ZNF200: variants seen among roughly 807,000 people sequenced by gnomAD.
The protein encoded by ZNF200 is zinc finger protein 200.
In ZNF200, 35 loss-of-function variants were observed where a neutral mutation model predicts 33.6. That is an observed-to-expected ratio of 1.04 (90% CI 0.80 to 1.38). The LOEUF (loss-of-function observed/expected upper bound fraction) is 1.38, where lower values mean the gene tolerates loss of function less well. ZNF200 is among the 40% of genes most tolerant of loss of function. The pLI, the probability that ZNF200 is intolerant of heterozygous loss-of-function variation, is 0.00. For synonymous variants in ZNF200, 209 were observed against 167.7 expected, an observed-to-expected ratio of 1.25 and a Z score of -1.90; for missense variants, 592 against 470.6, an observed-to-expected ratio of 1.26 and a Z score of -2.39.
At chr16:3,231,769 G>A (rs925332587) in intron 4 of ZNF200, among the ~76,000 whole-genome samples, 2 of 152,220 alleles carry the variant, frequency 1.3e-5, no homozygotes, top group African/African-American at 4.8e-5. Flanking sequence ...AAATTCTGAT[G>A]TCAGATTCCC....
intron 4 of ZNF200, among the ~76,000 whole-genome samples, chr16:3,228,527 C>G (rs1295231050): frequency 6.6e-6 from 1 of 151,786 alleles, no homozygotes; most frequent in African/African-American, 2.4e-5. Context: ...TGGAGTCTTG[C>G]TCTGTCCCCT....
At chr16:3,230,933 A>G (rs1160585410) in intron 4 of ZNF200, among the ~76,000 whole-genome samples, 2 of 152,260 alleles carry the variant, frequency 1.3e-5, no homozygotes, top group Admixed American at 6.5e-5. Context: ...CACACTGCTT[A>G]TCGTTTGATG....
rs745699109 is a variant in ZNF200, at chr16:3,233,780, G to C, written c.-25C>G. 2 of 1,583,106 alleles carry C rather than the reference G, an allele frequency of 1.3e-6. No homozygotes were observed. The highest frequency in any genetic ancestry group is 1.7e-6 in the Non-Finnish European group (2 of 1,163,300). On this transcript the variant is annotated 5_prime_UTR_variant, in exon 2 of 5. Coordinates refer to ENST00000414144, the MANE Select transcript of ZNF200 (RefSeq NM_198088.3). ...TGCCTTGCAACCACACACCACACTC[G>C]TTTCGCGGGGCCTCCAGAGCCACCT...
Position 3,223,963 on chromosome 16 carries a change from ATCT to A in ZNF200, c.1114_1116del (p.Arg372del). ...CGGGTACAGTTTGACAGCCGACCAAATCTTCTCCCACATTTTTTGCAACCATAT... is the reference window on the plus strand; with the variant it reads ...CGGGTACAGTTTGACAGCCGACCAAATCTCCCACATTTTTTGCAACCATAT... On this transcript the variant is annotated inframe_deletion, in exon 5 of 5. Coordinates refer to ENST00000414144, the MANE Select transcript of ZNF200 (RefSeq NM_198088.3). 1.2e-6 allele frequency: 2 copies of A among 1,614,060 alleles called. No individual in the cohort carries two copies. The highest frequency in any genetic ancestry group is 2.2e-5 in the East Asian group (1 of 44,872).
At chr16:3,226,431 T>C (rs745493384) in intron 4 of ZNF200, 1 of 152,206 alleles carries the variant, frequency 6.6e-6, no homozygotes, top group Non-Finnish European at 1.5e-5. Flanking sequence ...GAACTACCAT[T>C]CTGCTTTCAA....
At chr16:3,234,315 G>A (rs1013955238) in intron 1 of ZNF200, 1 of 152,530 alleles carries the variant, frequency 6.6e-6, no homozygotes, top group Non-Finnish European at 1.5e-5. Context: ...TGGGAGGATT[G>A]CTTGTGCCCA....
chr16:3,229,898 CAA>C (rs536500310), intron 4 of ZNF200, among the ~76,000 whole-genome samples: 470 of 151,598 alleles, frequency 3.1e-3, no homozygotes, highest in African/African-American at 0.011. Context: ...CAAATTCAAA[CAA>C]GAGCGAAACT....
chr16:3,232,343 C>T (rs1056277213), intron 4 of ZNF200, 78 bp downstream of exon 4: 2 of 1,512,646 alleles, frequency 1.3e-6, no homozygotes, highest in Non-Finnish European at 1.8e-6. Flanking sequence ...TGTGAATCGT[C>T]CCCCAAAGCT....
Position 3,232,453 on chromosome 16 carries a change from T to C in ZNF200, c.434A>G (p.Asp145Gly), listed in dbSNP as rs775660735. The stretch of plus-strand genomic sequence containing the variant: ...CATCATTTCCCCGACACTGCTGTCA[T>C]CTTCCTTCTCTGACGTGAGTTGTTG... ...PTQQLTSEKE[D>G]DSSVGEMMLL... The change falls in exon 4 of 5, where the codon GAT becomes GGT. Residue 145 changes from aspartate (D) to glycine (G), a missense_variant. Coordinates refer to ENST00000414144, the MANE Select transcript of ZNF200 (RefSeq NM_198088.3). 3 of 1,614,024 alleles carry C rather than the reference T, an allele frequency of 1.9e-6. No homozygotes were observed. Among genetic ancestry groups the C allele is most frequent in the Admixed American group, 1.7e-5 (1 of 60,006 alleles).
chr16:3,224,237 G>C lies in ZNF200; in HGVS notation c.843C>G (p.Asp281Glu). 2 of 1,614,182 alleles carry C rather than the reference G, an allele frequency of 1.2e-6. No individual in the cohort carries two copies. Among genetic ancestry groups the C allele is most frequent in the South Asian group, 2.2e-5 (2 of 91,082 alleles). ...QRTHTGEKPY[D>E]CNHCGKSFNH... ...TGAAGCTTTTCCCACAGTGATTACA[G>C]TCATAGGGTTTTTCTCCAGTGTGGG... The change falls in exon 5 of 5, where the codon GAC (aspartate) becomes GAG (glutamate). Residue 281 changes from aspartate to glutamate, a missense_variant. Physicochemically the swap from Asp to Glu is conservative, Grantham distance 45. Transcript: ENST00000414144.
chr16:3,232,767 T>C (rs1369248896), intron 3 of ZNF200, 66 bp downstream of exon 3: 3 of 1,550,646 alleles, frequency 1.9e-6, no homozygotes, highest in Non-Finnish European at 2.7e-6. Context: ...AATGTGTTTT[T>C]ACACACAGGT....
rs1567214497 is a variant in ZNF200, at chr16:3,223,379, C to G, written c.*513G>C. On this transcript the variant is annotated 3_prime_UTR_variant, in exon 5 of 5. Transcript: ENST00000414144. ...CCAAAGTAAACAATTCCTTTCAACACTCAAGACTTAAACAGGTATTCTTAG... is the reference window on the plus strand; with the variant it reads ...CCAAAGTAAACAATTCCTTTCAACAGTCAAGACTTAAACAGGTATTCTTAG... The G allele has an allele frequency of 1.3e-5, 2 of 152,582 alleles. No homozygotes were observed. The highest frequency in any genetic ancestry group is 6.5e-5 in the Admixed American group (1 of 15,296). 9.5% of individuals were successfully genotyped at this position (152,582 alleles called of 1,614,324 possible).
At chr16:3,229,310 T>C (rs1958570383) in intron 4 of ZNF200, among the ~76,000 whole-genome samples, 1 of 152,108 alleles carries the variant, frequency 6.6e-6, no homozygotes, top group Admixed American at 6.6e-5. Flanking sequence ...TAAAAACATG[T>C]ATTAATTTAG....
At chr16:3,229,868 A>C (rs539528679) in intron 4 of ZNF200, among the ~76,000 whole-genome samples, 95 of 152,296 alleles carry the variant, frequency 6.2e-4, no homozygotes, top group African/African-American at 2.2e-3. Context: ...CGTCTCAAAA[A>C]AAAAAAAGAA....
chr16:3,224,258 G>A lies in ZNF200; in HGVS notation c.822C>T (p.His274=). The change falls in exon 5 of 5, where the codon CAC becomes CAT. Residue 274 remains histidine, a synonymous_variant. Transcript: ENST00000414144. ...TACAGTCATAGGGTTTTTCTCCAGT[G>A]TGGGTCCTCTGGTGGGAAATGAGGT... ...SSYLISHQRT[H]TGEKPYDCNH... is the part of the protein sequence containing the mutation. The A allele has an allele frequency of 1.9e-6, 3 of 1,614,186 alleles. No individual in the cohort carries two copies. The highest frequency in any genetic ancestry group is 2.5e-6 in the Non-Finnish European group (3 of 1,180,028).
At chr16:3,232,745 C>T (rs553852498) in intron 3 of ZNF200, 88 bp downstream of exon 3, 3 of 1,474,882 alleles carry the variant, frequency 2.0e-6, no homozygotes, top group South Asian at 1.2e-5. Flanking sequence ...CCCAAGAAGG[C>T]CAACTCCTAA....
chr16:3,231,388 G>A (rs763811953), intron 4 of ZNF200, among the ~76,000 whole-genome samples: 11 of 152,294 alleles, frequency 7.2e-5, no homozygotes, highest in Non-Finnish European at 1.3e-4. Flanking sequence ...ACAGCTAAGA[G>A]TTTGACAGTC....
In ZNF200 at chr16:3,235,069, GC is replaced by G. The variant is rs1395454331; in HGVS notation, c.-165del. ...TCCGGGAGAGATAGAAAAACTAGGC[GC>G]GAGCGGTCGAGCCCTCCCCTCGCCC... On this transcript the variant is annotated 5_prime_UTR_variant, in exon 1 of 5. Coordinates refer to ENST00000414144, the MANE Select transcript of ZNF200 (RefSeq NM_198088.3). 6.6e-6 allele frequency: 1 copy of G among 152,192 alleles called. No individual in the cohort carries two copies. Among genetic ancestry groups the G allele is most frequent in the Non-Finnish European group, 1.5e-5 (1 of 68,046 alleles). The allele number at this position is 152,192 out of a possible 1,614,324, so 9.4% of individuals were successfully genotyped here. A position where few individuals can be genotyped will look rare whatever the true frequency, so the allele number is the denominator to read the frequency against.
At chr16:3,232,612 A>G in intron 3 of ZNF200, 65 bp from the exon 4 acceptor site, 1 of 1,587,300 alleles carries the variant, frequency 6.3e-7, no homozygotes, top group Non-Finnish European at 8.5e-7. Flanking sequence ...TACTGGTAAG[A>G]AAAGCTGACA....
Sources: gnomAD v4.1 joint callset for allele counts (sites outside exome capture counted in the v4.1 genomes callset) on GRCh38, gnomAD v4.1.1 for gene constraint, MANE v1.5 for transcripts, NCBI Gene and HGNC (gene_info 2026-07-23, HGNC 2026-07-21) for gene names.